The following KCNK16 variants were observed in gnomAD, a reference collection of about 807,000 sequenced individuals.
KCNK16 encodes the protein potassium two pore domain channel subfamily K member 16.
A neutral mutation model predicts 23.0 loss-of-function variants in KCNK16; 23 were observed. The ratio of observed to expected loss-of-function variants is 1.00; its 90% CI spans 0.72 to 1.41. The LOEUF (loss-of-function observed/expected upper bound fraction) is 1.41. KCNK16 is among the 40% of genes most tolerant of loss of function. The pLI is 0.00. For missense variants in KCNK16, 327 were observed against 365.8 expected, an observed-to-expected ratio of 0.89 and a Z score of 0.87; for synonymous variants, 145 against 153.5, an observed-to-expected ratio of 0.94 and a Z score of 0.41.
At chr6:39,321,958 G>T (rs1207675666) in intron 1 of KCNK16, among the ~76,000 whole-genome samples, 1 of 152,248 alleles carries the variant, frequency 6.6e-6, no homozygotes, top group Non-Finnish European at 1.5e-5. Context: ...AGTGTGGGAG[G>T]AGGAAATTTG....
In KCNK16 at chr6:39,316,836, A is replaced by C; in HGVS notation, c.607T>G (p.Phe203Val). ...HVEGWSFSEG[F>V]YFAFITLSTI... Reference sequence around the variant, plus strand: ...CTGAGAGTGATGAAAGCAAAGTAGAAGCCCTCGCTGAAGCTCCAGCCCTCC... The same window carrying C: ...CTGAGAGTGATGAAAGCAAAGTAGACGCCCTCGCTGAAGCTCCAGCCCTCC... The change falls in exon 4 of 5, where the codon TTC becomes GTC. Residue 203 changes from phenylalanine (F) to valine (V), a missense_variant. Physicochemically the swap from Phe to Val is conservative, Grantham distance 50. Coordinates refer to ENST00000437525, the MANE Select transcript of KCNK16 (RefSeq NM_001135106.2). 1.9e-6 allele frequency: 3 copies of C among 1,614,160 alleles called. No homozygotes were observed. Among genetic ancestry groups the C allele is most frequent in the Non-Finnish European group, 2.5e-6 (3 of 1,180,018 alleles).
At position 39,316,296 on chromosome 6, in the gene KCNK16, C is replaced by G; in HGVS notation, c.808G>C (p.Gly270Arg). ...RCCQLWLLSR[G>R]LGVKDGAASD... ...GCTGCCCCATCCTTGACGCCGAGGC[C>G]CCTACTGAGCAGCCAGAGCTGGCAG... Residue 270 changes from glycine (G) to arginine (R), a missense_variant, in exon 5 of 5, where the codon GGC (glycine) becomes CGC (arginine). Physicochemically the swap from Gly to Arg is moderately radical, Grantham distance 125. Transcript: ENST00000437525. 1 of 1,603,966 alleles carries G rather than the reference C, an allele frequency of 6.2e-7. No individual in the cohort carries two copies. Among genetic ancestry groups the G allele is most frequent in the Non-Finnish European group, 8.5e-7 (1 of 1,176,036 alleles).
chr6:39,315,516 C>T (rs1284058295), downstream of KCNK16: 1 of 1,298,988 alleles, frequency 7.7e-7, no homozygotes, highest in Non-Finnish European at 1.0e-6. Context: ...CAGCCCTGGA[C>T]TTCTAGGCAA....
intron 3 of KCNK16, among the ~76,000 whole-genome samples, chr6:39,317,244 T>C (rs1474109920): frequency 6.6e-6 from 1 of 152,214 alleles, no homozygotes; most frequent in Non-Finnish European, 1.5e-5. Context: ...AACAGAAAAG[T>C]ATCATTGAAC....
chr6:39,322,810 T>A, upstream of KCNK16: 1 of 466,506 alleles, frequency 2.1e-6, no homozygotes, highest in Non-Finnish European at 3.9e-6. Context: ...CAGGGACCCT[T>A]CAAAGAGACC....
At chr6:39,314,710 G>A, downstream of KCNK16, 1 of 451,590 alleles carries the variant, frequency 2.2e-6, no homozygotes, top group Non-Finnish European at 3.9e-6. Context: ...GGAGATAGTA[G>A]AGACCAACTT....
rs1381821733 is a variant in KCNK16 at position 39,316,229 on chromosome 6, A to G, written c.875T>C (p.Ile292Thr). The G allele has an allele frequency of 6.5e-7, 1 of 1,545,798 alleles. No homozygotes were observed. The highest frequency in any genetic ancestry group is 2.4e-5 in the East Asian group (1 of 41,318). The change falls in exon 5 of 5, where the codon ATC (isoleucine) becomes ACC (threonine). Residue 292 changes from isoleucine (I) to threonine (T), a missense_variant. By Grantham distance (89) the Ile-to-Thr change is moderately conservative. Coordinates refer to ENST00000437525, the MANE Select transcript of KCNK16 (RefSeq NM_001135106.2). ...CCCCCCCCGGGGGCCTCATGCAGAGATGGGGATCTTCTGAGGCCTGGGGAG... is the reference window on the plus strand; with the variant it reads ...CCCCCCCCGGGGGCCTCATGCAGAGGTGGGGATCTTCTGAGGCCTGGGGAG... ...SGLPRPQKIP[I>T]SA
At chr6:39,314,772 G>A (rs749868605), downstream of KCNK16, 403 of 522,378 alleles carry the variant, frequency 7.7e-4, 3 homozygotes, top group Middle Eastern at 9.9e-4. Flanking sequence ...CTATCTCCAA[G>A]GACTTGCTGT....
chr6:39,315,375 G>C, downstream of KCNK16: 2 of 1,551,554 alleles, frequency 1.3e-6, no homozygotes. Context: ...TGGGGTGTTT[G>C]GAAAGGCTCT....
chr6:39,320,123 A>G (rs11751657), intron 1 of KCNK16, among the ~76,000 whole-genome samples: 7,122 of 152,202 alleles, frequency 0.047, 243 homozygotes, highest in African/African-American at 0.091. Flanking sequence ...TATGGGAACC[A>G]GTTCCCGCTG....
rs752051016 is a variant in KCNK16 at position 39,316,379 on chromosome 6, A to G, written c.725T>C (p.Leu242Pro). Residue 242 changes from leucine (L) to proline (P), a missense_variant, in exon 5 of 5, where the codon CTG becomes CCG. Leu to Pro is a moderately conservative substitution (Grantham distance 98). Transcript: ENST00000437525. The stretch of plus-strand genomic sequence containing the variant: ...GATCAGCGCCAGCCACGCCAGGCCC[A>G]GGAGGATCCAGATGGCTGCCAGGCT... Reference protein sequence around the residue: ...YRSLAAIWILLGLAWLALILP... With the variant: ...YRSLAAIWILPGLAWLALILP... 4 of 1,613,004 alleles carry G rather than the reference A, an allele frequency of 2.5e-6. No homozygotes were observed. The highest frequency in any genetic ancestry group is 2.2e-5 in the East Asian group (1 of 44,854).
downstream of KCNK16, chr6:39,314,937 G>T (rs1274007996): frequency 1.4e-5 from 20 of 1,464,022 alleles, no homozygotes; most frequent in Non-Finnish European, 1.8e-5. Flanking sequence ...TTCTGAGAAG[G>T]CCCCCGAAAT....
chr6:39,315,260 A>C, downstream of KCNK16: 1 of 1,600,672 alleles, frequency 6.2e-7, no homozygotes, highest in Non-Finnish European at 8.5e-7. Flanking sequence ...GCAGTCTGGC[A>C]GGGGAAAGGC....
At chr6:39,321,993 T>C (rs937798849) in intron 1 of KCNK16, among the ~76,000 whole-genome samples, 1 of 152,242 alleles carries the variant, frequency 6.6e-6, no homozygotes, top group Non-Finnish European at 1.5e-5. Flanking sequence ...CGCTGACATA[T>C]AGTTCCCATT....
At position 39,316,681 on chromosome 6, in the gene KCNK16, G is replaced by A. The variant is rs1762330327; in HGVS notation, c.661+101C>T. On this transcript the variant is annotated intron_variant, in intron 4 of 4. Transcript: ENST00000437525. The stretch of plus-strand genomic sequence containing the variant: ...GTTTGGCTCCCTTGAATGACCAAGG[G>A]CTATCTTATCCTCAATAGTTGTCCT... The A allele has an allele frequency of 1.3e-5, 18 of 1,382,688 alleles. No homozygotes were observed. The South Asian group carries it at 2.3e-4, about 18-fold the overall frequency. 85.7% of individuals were successfully genotyped at this position (1,382,688 alleles called of 1,614,324 possible).
At chr6:39,320,055 C>G (rs1364881669) in intron 1 of KCNK16, among the ~76,000 whole-genome samples, 1 of 152,120 alleles carries the variant, frequency 6.6e-6, no homozygotes, top group Non-Finnish European at 1.5e-5. Context: ...GCCTTGCCAC[C>G]GAAGAGCCCC....
At chr6:39,322,294 C>T (rs772744232) in intron 1 of KCNK16, 34 bp downstream of exon 1, 2 of 1,596,776 alleles carry the variant, frequency 1.3e-6, no homozygotes, top group Non-Finnish European at 1.7e-6. Context: ...CTTCCCAAGC[C>T]TCTCCATCCC....
chr6:39,315,090 C>T (rs1762258660), downstream of KCNK16: 1 of 1,614,218 alleles, frequency 6.2e-7, no homozygotes. Flanking sequence ...CCTGGGTCTC[C>T]TGCCTGGAGC....
intron 2 of KCNK16, among the ~76,000 whole-genome samples, chr6:39,318,283 G>A (rs189228751): frequency 2.5e-4 from 38 of 152,194 alleles, no homozygotes; most frequent in African/African-American, 8.2e-4. Context: ...TATTTATCAT[G>A]TTCCTCTTTG....
Sources: gnomAD v4.1 joint callset for allele counts (sites outside exome capture counted in the v4.1 genomes callset) on GRCh38, gnomAD v4.1.1 for gene constraint, MANE v1.5 for transcripts, NCBI Gene and HGNC (gene_info 2026-07-23, HGNC 2026-07-21) for gene names.